PTK2: variants seen among roughly 807,000 people sequenced by gnomAD.
The protein encoded by PTK2 is protein tyrosine kinase 2, also known as focal adhesion kinase 1.
PTK2 carries 45 observed loss-of-function variants against 150.1 expected under a neutral mutation model. The ratio of observed to expected loss-of-function variants is 0.30; its 90% CI spans 0.24 to 0.38. PTK2 has a LOEUF of 0.38. Ranked by LOEUF, PTK2 falls within the 10% of genes least tolerant of loss-of-function variation. PTK2 has a pLI of 1.00. For missense variants in PTK2, 919 were observed against 1,307.3 expected (o/e 0.70, Z 4.58); for synonymous variants, 432 against 449.2 (o/e 0.96, Z 0.48).
In PTK2 at chr8:140,911,360, CA is replaced by C. The variant is rs77647844; in HGVS notation, c.-33+14300del. 9.8e-3 allele frequency among the ~76,000 whole-genome samples: 1,487 copies of C among 152,192 alleles called. 28 individuals are homozygous for C. The highest frequency in any genetic ancestry group is 0.094 in the East Asian group (486 of 5,178). On this transcript the variant is annotated intron_variant, in intron 2 of 31. Coordinates refer to ENST00000522684, the Ensembl canonical transcript of PTK2. ...CAGGAAACCATGTTTTAAATCTTTT[CA>C]ATCTTACATTTTAGATTTTGTTCAC... is the stretch of plus-strand genomic sequence containing the variant.
intron 1 of PTK2, among the ~76,000 whole-genome samples, chr8:140,993,160 A>G (rs1051154943): frequency 1.3e-5 from 2 of 152,218 alleles, no homozygotes; most frequent in African/African-American, 4.8e-5. Context: ...CAAGTCTGAT[A>G]GTAGTAATTT....
At chr8:140,959,115 A>G (rs572797500) in intron 1 of PTK2, among the ~76,000 whole-genome samples, 3 of 152,328 alleles carry the variant, frequency 2.0e-5, no homozygotes, top group African/African-American at 2.4e-5. Flanking sequence ...AAGACACATA[A>G]TAGGGAGTAA....
chr8:140,930,212 G>C (rs2100171208), intron 1 of PTK2, among the ~76,000 whole-genome samples: 1 of 152,128 alleles, frequency 6.6e-6, no homozygotes, highest in South Asian at 2.1e-4. Context: ...ACACCAAAAT[G>C]AATGACTATT....
At chr8:140,820,851 T>G (rs2100108117) in intron 8 of PTK2, 1 of 152,222 alleles carries the variant, frequency 6.6e-6, no homozygotes, top group Non-Finnish European at 1.5e-5. Context: ...TTAGGTGACC[T>G]GCTAATCTCA....
chr8:140,792,886 T>C (rs1044494554), intron 13 of PTK2, among the ~76,000 whole-genome samples: 1 of 152,240 alleles, frequency 6.6e-6, no homozygotes, highest in Non-Finnish European at 1.5e-5. Flanking sequence ...TCCTAGCAAA[T>C]TGGCTGAGAA....
At chr8:140,721,089 A>T (rs547092401) in intron 22 of PTK2, among the ~76,000 whole-genome samples, 172 of 148,060 alleles carry the variant, frequency 1.2e-3, no homozygotes, top group East Asian at 4.8e-3. Flanking sequence ...TTTTTTTTTT[A>T]AAAGAGATGG....
At chr8:140,738,391 G>C (rs1362694350) in intron 21 of PTK2, among the ~76,000 whole-genome samples, 6 of 152,116 alleles carry the variant, frequency 3.9e-5, no homozygotes, top group Non-Finnish European at 5.9e-5. Context: ...GGATAAAGTA[G>C]TTTAAATAAG....
chr8:140,879,679 A>T, intron 3 of PTK2, 42 bp from the exon 4 acceptor site: 3 of 1,158,494 alleles, frequency 2.6e-6, no homozygotes, highest in Non-Finnish European at 3.4e-6. Context: ...ATAAACTGAA[A>T]AAAAAAAAAA....
At chr8:140,936,327 A>T (rs1198088485) in intron 1 of PTK2, among the ~76,000 whole-genome samples, 12 of 152,232 alleles carry the variant, frequency 7.9e-5, no homozygotes, top group Admixed American at 5.9e-4. Flanking sequence ...TGTACTGTAT[A>T]GATAAATCAA....
intron 7 of PTK2, among the ~76,000 whole-genome samples, chr8:140,844,708 G>A (rs1253613967): frequency 1.3e-5 from 2 of 151,966 alleles, no homozygotes; most frequent in Non-Finnish European, 2.9e-5. Flanking sequence ...AGCAGCTCTG[G>A]TGCCTTCCAC....
intron 2 of PTK2, among the ~76,000 whole-genome samples, chr8:140,899,620 C>T (rs890503360): frequency 2.0e-5 from 3 of 152,038 alleles, no homozygotes; most frequent in African/African-American, 7.2e-5. Flanking sequence ...ATTACCTTTA[C>T]AACAAAACCA....
intron 16 of PTK2, among the ~76,000 whole-genome samples, chr8:140,752,738 A>T (rs2100063509): frequency 6.6e-6 from 1 of 152,270 alleles, no homozygotes; most frequent in East Asian, 1.9e-4. Context: ...GAGAGAGCAG[A>T]TCAGGATATG....
chr8:140,955,768 C>A (rs6578146), intron 1 of PTK2, among the ~76,000 whole-genome samples: 67,171 of 151,876 alleles, frequency 0.44, 15,238 homozygotes, highest in Admixed American at 0.55. Context: ...AGAACCAATT[C>A]CATTTCCACA....
intron 1 of PTK2, among the ~76,000 whole-genome samples, chr8:140,970,502 C>T (rs943628356): frequency 2.6e-5 from 4 of 152,258 alleles, no homozygotes; most frequent in South Asian, 2.1e-4. Context: ...TGGATGTCAT[C>T]CTTGTCTCTT....
At chr8:140,831,558 T>C (rs999186476) in intron 7 of PTK2, among the ~76,000 whole-genome samples, 19 of 152,242 alleles carry the variant, frequency 1.2e-4, no homozygotes, top group African/African-American at 4.3e-4. Context: ...CCTTATTCTA[T>C]AATCTAACTG....
intron 12 of PTK2, among the ~76,000 whole-genome samples, chr8:140,795,971 G>C (rs890303215): frequency 2.0e-5 from 3 of 152,110 alleles, no homozygotes; most frequent in African/African-American, 7.2e-5. Context: ...AGTTTGCATT[G>C]AGCGGCATCC....
chr8:140,792,466 T>C (rs1347209173), intron 13 of PTK2, among the ~76,000 whole-genome samples: 2 of 152,200 alleles, frequency 1.3e-5, no homozygotes, highest in African/African-American at 2.4e-5. Flanking sequence ...CTTCACCCCA[T>C]GCACCTTCAT....
chr8:140,839,162 C>A (rs2100120740), intron 7 of PTK2, among the ~76,000 whole-genome samples: 1 of 152,132 alleles, frequency 6.6e-6, no homozygotes, highest in African/African-American at 2.4e-5. Context: ...CAAAGCACGA[C>A]AGGCAGAAGG....
At chr8:140,954,441 T>G (rs893079424) in intron 1 of PTK2, among the ~76,000 whole-genome samples, 1 of 152,236 alleles carries the variant, frequency 6.6e-6, no homozygotes, top group Non-Finnish European at 1.5e-5. Context: ...ACAGTAAACC[T>G]TGCTTATAAA....
Sources: gnomAD v4.1 joint callset for allele counts (sites outside exome capture counted in the v4.1 genomes callset) on GRCh38, gnomAD v4.1.1 for gene constraint, MANE v1.5 for transcripts, NCBI Gene and HGNC (gene_info 2026-07-23, HGNC 2026-07-21) for gene names.